The following AMOT variants were observed in gnomAD, a reference collection of about 807,000 sequenced individuals.
AMOT encodes angiomotin.
Under a neutral mutation model 67.0 loss-of-function variants are expected in AMOT, and 11 were observed. The ratio of observed to expected loss-of-function variants is 0.16; its 90% CI spans 0.10 to 0.27. The LOEUF is 0.27. Among genes scored for constraint, AMOT ranks in the 10% least tolerant of loss-of-function variants. AMOT has a pLI of 1.00. For missense variants in AMOT, 753 were observed against 852.0 expected (o/e 0.88, Z 1.45); for synonymous variants, 326 against 321.4 (o/e 1.01, Z -0.15).
At chrX:112,812,780 G>A (rs1476876412) in intron 5 of AMOT, among the ~76,000 whole-genome samples, 1 of 112,024 alleles carries the variant, frequency 8.9e-6, no homozygotes, top group African/African-American at 3.3e-5. Flanking sequence ...GGCCCCTAAT[G>A]GGACACTAGG....
intron 7 of AMOT, among the ~76,000 whole-genome samples, chrX:112,806,365 G>A (rs868514013): frequency 0.093 from 9,336 of 99,880 alleles, 432 homozygotes; most frequent in Admixed American, 0.19. Flanking sequence ...AAACGTGTGT[G>A]TATATATATA....
intron 5 of AMOT, among the ~76,000 whole-genome samples, chrX:112,813,108 T>C (rs1234174230): frequency 8.9e-6 from 1 of 112,293 alleles, no homozygotes; most frequent in Non-Finnish European, 1.9e-5. Flanking sequence ...GCATTTATAG[T>C]TCAAGGCTGT....
intron 4 of AMOT, among the ~76,000 whole-genome samples, chrX:112,816,108 T>C (rs1215891323): frequency 9.0e-6 from 1 of 111,508 alleles, no homozygotes; most frequent in Non-Finnish European, 1.9e-5. Context: ...AACAGAGGTG[T>C]GATCCCATGA....
At chrX:112,817,392 A>G (rs1367805873) in intron 4 of AMOT, among the ~76,000 whole-genome samples, 1 of 112,441 alleles carries the variant, frequency 8.9e-6, no homozygotes, top group Non-Finnish European at 1.9e-5. Flanking sequence ...TAAATTGCAT[A>G]AAATTCATGG....
rs774137600 is a variant in AMOT, at chrX:112,810,759, C to T, written c.1537+490G>A. ...AGGAAAAAAAAAAGAAAGTACCATC[C>T]CCAAGGTTAGCAGTTTTGAAGGTGC... On this transcript the variant is annotated intron_variant, in intron 6 of 13. Coordinates refer to ENST00000371959, the MANE Select transcript of AMOT (RefSeq NM_001113490.2). Among the ~76,000 whole-genome samples the T allele has an allele frequency of 1.3e-4, 15 of 111,245 alleles. No homozygotes were observed. The South Asian group carries it at 3.1e-3, about 23-fold the overall frequency.
At chrX:112,803,080 A>G (rs1280028490) in intron 8 of AMOT, among the ~76,000 whole-genome samples, 1 of 111,637 alleles carries the variant, frequency 9.0e-6, no homozygotes, top group East Asian at 2.8e-4. Flanking sequence ...CAAGTTTCTC[A>G]TAGTCTTTTG....
At chrX:112,840,096 A>G (rs762064966) in intron 1 of AMOT, among the ~76,000 whole-genome samples, 1 of 111,516 alleles carries the variant, frequency 9.0e-6, no homozygotes, top group Non-Finnish European at 1.9e-5. Context: ...AAGCACTGAC[A>G]TGCATGCTGG....
At chrX:112,834,715 T>C (rs1935090321) in intron 1 of AMOT, among the ~76,000 whole-genome samples, 1 of 113,093 alleles carries the variant, frequency 8.8e-6, no homozygotes, top group African/African-American at 3.2e-5. Context: ...AAGCAAATAT[T>C]ACTGAAAACT....
chrX:112,804,205 C>G (rs1201166380), intron 8 of AMOT, among the ~76,000 whole-genome samples: 3 of 111,665 alleles, frequency 2.7e-5, no homozygotes, highest in Non-Finnish European at 5.6e-5. Flanking sequence ...CATCTCTGCA[C>G]ACACATAAAT....
intron 9 of AMOT, among the ~76,000 whole-genome samples, chrX:112,791,102 G>A (rs775871783): frequency 3.6e-5 from 4 of 110,919 alleles, no homozygotes; most frequent in East Asian, 2.8e-4. Context: ...AAATCTGGCC[G>A]GGCATGGTGG....
intron 1 of AMOT, among the ~76,000 whole-genome samples, chrX:112,836,722 A>G (rs1291992702): frequency 9.1e-6 from 1 of 109,497 alleles, no homozygotes; most frequent in African/African-American, 3.3e-5. Flanking sequence ...TCCTTACAGG[A>G]TCTTTTTTTC....
At chrX:112,806,592 G>A (rs1206035961) in intron 7 of AMOT, among the ~76,000 whole-genome samples, 1 of 110,441 alleles carries the variant, frequency 9.1e-6, no homozygotes, top group African/African-American at 3.3e-5. Context: ...AAGAAAAATA[G>A]AGGAAGAAAG....
Position 112,822,804 on chromosome X carries a change from G to T in AMOT, c.323C>A (p.Thr108Asn), listed in dbSNP as rs1934748980. ...PRMQNNEELP[T>N]YEEAKVQSQY... ...GGACTGGACCTTGGCTTCTTCATAG[G>T]TCGGGAGTTCTTCATTATTTTGCAT... The change falls in exon 4 of 14, where the codon ACC (threonine) becomes AAC (asparagine). Residue 108 changes from threonine (T) to asparagine (N), a missense_variant. Thr to Asn is a moderately conservative substitution (Grantham distance 65, BLOSUM62 0). Around this residue, in one of 5 missense-constraint regions of AMOT, gnomAD observed 118 missense variants for 125.9 expected, o/e 0.94. Transcript: ENST00000371959. 8.6e-7 allele frequency: 1 copy of T among 1,164,951 alleles called. No homozygotes were observed. The highest frequency in any genetic ancestry group is 1.1e-6 in the Non-Finnish European group (1 of 872,591).
At chrX:112,794,526 A>G (rs1354736399) in intron 8 of AMOT, among the ~76,000 whole-genome samples, 1 of 111,746 alleles carries the variant, frequency 8.9e-6, no homozygotes, top group Admixed American at 9.5e-5. Context: ...AGGGTAGAAA[A>G]AGACAACTCT....
chrX:112,822,344 G>A lies in AMOT; in HGVS notation c.783C>T (p.His261=). The A allele has an allele frequency of 1.7e-6, 2 of 1,155,994 alleles. No homozygotes were observed. The highest frequency in any genetic ancestry group is 2.3e-6 in the Non-Finnish European group (2 of 866,756). ...GGTTCAGGCGATGCTCACTATAGAAGTGCCCTGGCTCTTGGGGCTTGCACA... is the reference window on the plus strand; with the variant it reads ...GGTTCAGGCGATGCTCACTATAGAAATGCCCTGGCTCTTGGGGCTTGCACA... ...SVVCKPQEPG[H]FYSEHRLNQP... Residue 261 remains histidine (H), a synonymous_variant, in exon 4 of 14, where the codon CAC becomes CAT. Transcript: ENST00000371959.
In AMOT at chrX:112,804,973, C is replaced by T. The variant is rs777457620; in HGVS notation, c.1750G>A (p.Ala584Thr). Residue 584 changes from alanine (A) to threonine (T), a missense_variant, in exon 8 of 14, where the codon GCC (alanine) becomes ACC (threonine). Physicochemically the swap from Ala to Thr is moderately conservative, Grantham distance 58 (BLOSUM62 0). Coordinates refer to ENST00000371959, the MANE Select transcript of AMOT (RefSeq NM_001113490.2). ...TCTTCTTCCAGCTTTACCACCTTGG[C>T]CTGGGCATTACTCAGGGCCTGATCT... ...IRDQALSNAQ[A>T]KVVKLEEELK... The T allele has an allele frequency of 9.5e-7, 1 of 1,057,532 alleles. No individual in the cohort carries two copies. Among genetic ancestry groups the T allele is most frequent in the South Asian group, 1.8e-5 (1 of 54,940 alleles). 87.2% of individuals were successfully genotyped at this position (1,057,532 alleles called of 1,213,427 possible). A position where few individuals can be genotyped will look rare whatever the true frequency, so the allele number is the denominator to read the frequency against.
intron 3 of AMOT, 144 bp from the exon 4 acceptor site, chrX:112,823,332 G>A (rs1338122209): frequency 3.0e-5 from 13 of 432,628 alleles, no homozygotes; most frequent in Non-Finnish European, 4.3e-5. Flanking sequence ...GATTGTTGGG[G>A]ATTCCAGGCC....
At chrX:112,822,151 T>C (rs1877202772) in intron 4 of AMOT, 104 bp downstream of exon 4, 2 of 1,009,548 alleles carry the variant, frequency 2.0e-6, no homozygotes, top group African/African-American at 3.8e-5. Context: ...ATTGCAGAGT[T>C]TGTTATATCA....
intron 1 of AMOT, among the ~76,000 whole-genome samples, chrX:112,835,892 A>G (rs1012844442): frequency 1.8e-5 from 2 of 111,166 alleles, no homozygotes; most frequent in Admixed American, 9.6e-5. Context: ...CTAATCCATC[A>G]AATCTTAGAG....
Sources: allele counts gnomAD v4.1 joint callset (sites outside exome capture counted in the v4.1 genomes callset), GRCh38; gene constraint gnomAD v4.1.1; regional missense constraint gnomAD v4.1.1; transcripts MANE v1.5; gene names NCBI Gene and HGNC (gene_info 2026-07-23, HGNC 2026-07-21).